PIK3R6: variants seen among roughly 807,000 people sequenced by gnomAD.
PIK3R6 encodes the protein phosphoinositide-3-kinase regulatory subunit 6.
PIK3R6 carries 91 observed loss-of-function variants against 84.9 expected under a neutral mutation model. The ratio of observed to expected loss-of-function variants is 1.07; its 90% confidence interval spans 0.90 to 1.28. The LOEUF is 1.28. Among genes scored for constraint, PIK3R6 ranks in the 50% most tolerant of loss-of-function variants. The pLI is 0.00. For synonymous variants in PIK3R6, 416 were observed against 411.4 expected, an observed-to-expected ratio of 1.01 and a Z score of -0.13; for missense variants, 996 against 985.1, an observed-to-expected ratio of 1.01 and a Z score of -0.15.
At position 8,827,225 on chromosome 17, in the gene PIK3R6, A is replaced by G; in HGVS notation, c.1462T>C (p.Tyr488His). 6.2e-7 allele frequency: 1 copy of G among 1,606,390 alleles called. No individual in the cohort carries two copies. Among genetic ancestry groups the G allele is most frequent in the Non-Finnish European group, 8.5e-7 (1 of 1,176,728 alleles). Residue 488 changes from tyrosine to histidine, a missense_variant, in exon 13 of 20, where the codon TAC becomes CAC. By Grantham distance (83) the Tyr-to-His change is moderately conservative. Transcript: ENST00000619866. The stretch of plus-strand genomic sequence containing the variant: ...CACAGCGTGTTGACGTTGCTCTGGT[A>G]CCACGGGTCTACGCGGCCCAGGAAC... ...ATFLGRVDPWYQSNVNTLCPA... is the reference protein window; with the variant it reads ...ATFLGRVDPWHQSNVNTLCPA...
In PIK3R6 at chr17:8,804,085, CA is replaced by C; in HGVS notation, c.2063del (p.Leu688ArgfsTer56). ...IQSRDQRLLT[L>X]SLDKDDQRTF... ...TGCGTTGATCGTCCTTGTCCAGCGACAGTGTCAGCAGCCTCTGGTCCCGGCT... is the reference window on the plus strand; with the variant it reads ...TGCGTTGATCGTCCTTGTCCAGCGACGTGTCAGCAGCCTCTGGTCCCGGCT... On this transcript the variant is annotated frameshift_variant, in exon 19 of 20. Transcript: ENST00000619866. LOFTEE classifies it low-confidence loss of function (END_TRUNC). 1.2e-6 allele frequency: 2 copies of C among 1,614,056 alleles called. No homozygotes were observed. The highest frequency in any genetic ancestry group is 8.5e-7 in the Non-Finnish European group (1 of 1,179,892).
chr17:8,839,654 C>A lies in PIK3R6; in HGVS notation c.57G>T (p.Arg19=). ...GGGCAGGGGCCTGGGTGCTGAGCTC[C>A]CGGAGCACAGCCTGCACGCTCCTCT... ...DLQRSVQAVL[R]ELSTQAPALQ... The change falls in exon 3 of 20, where the codon CGG becomes CGT. Residue 19 remains arginine (R), a synonymous_variant. Transcript: ENST00000619866. The surrounding 1 kb of genome is among the most constrained non-coding windows in gnomAD (Gnocchi z 4.2). The A allele has an allele frequency of 6.3e-7, 1 of 1,580,770 alleles. No individual in the cohort carries two copies. Among genetic ancestry groups the A allele is most frequent in the Non-Finnish European group, 8.6e-7 (1 of 1,163,128 alleles).
intron 13 of PIK3R6, among the ~76,000 whole-genome samples, chr17:8,824,711 A>G (rs1050068262): frequency 1.1e-4 from 17 of 152,196 alleles, no homozygotes; most frequent in African/African-American, 3.4e-4. Context: ...AGGAGCACCA[A>G]TGGGGCCTGC....
chr17:8,828,688 C>T lies in PIK3R6; in HGVS notation c.1192G>A (p.Gly398Ser), dbSNP rs752431605. Residue 398 changes from glycine (G) to serine (S), a missense_variant, in exon 11 of 20, where the codon GGC becomes AGC. Physicochemically the swap from Gly to Ser is moderately conservative, Grantham distance 56. Coordinates refer to ENST00000619866, the MANE Select transcript of PIK3R6 (RefSeq NM_001010855.4). ...DGPPGLHRRT[G>S]RPSGDGEMLP... ...ATTTCCCCATCCCCACTGGGCCGGC[C>T]TGTCCTCCGGTGCAGCCCTGGGGGC... 5 of 1,611,720 alleles carry T rather than the reference C, an allele frequency of 3.1e-6. No homozygotes were observed. The highest frequency in any genetic ancestry group is 8.5e-7 in the Non-Finnish European group (1 of 1,179,116).
intron 17 of PIK3R6, among the ~76,000 whole-genome samples, chr17:8,819,707 C>CAT (rs1336826412): frequency 3.5e-5 from 5 of 143,958 alleles, no homozygotes; most frequent in Non-Finnish European, 4.5e-5. Context: ...CACACACACA[C>CAT]ATATATATAC....
chr17:8,815,420 C>T (rs1040718093), intron 18 of PIK3R6, among the ~76,000 whole-genome samples: 4 of 151,468 alleles, frequency 2.6e-5, no homozygotes, highest in African/African-American at 4.9e-5. Context: ...GCAGGAGAAT[C>T]GCTTGAACCT....
chr17:8,821,102 C>A (rs1018333430), intron 17 of PIK3R6, among the ~76,000 whole-genome samples: 11 of 152,150 alleles, frequency 7.2e-5, no homozygotes, highest in Admixed American at 1.3e-4. Context: ...GGTGAACTTA[C>A]TTGTTTGCTC....
At chr17:8,807,565 C>T (rs964426163) in intron 18 of PIK3R6, among the ~76,000 whole-genome samples, 1 of 151,978 alleles carries the variant, frequency 6.6e-6, no homozygotes, top group African/African-American at 2.4e-5. Flanking sequence ...ACCTGAGTCT[C>T]AACTTGTAGG....
chr17:8,815,285 A>G (rs1275254406), intron 18 of PIK3R6, among the ~76,000 whole-genome samples: 2 of 152,224 alleles, frequency 1.3e-5, no homozygotes, highest in Non-Finnish European at 2.9e-5. Context: ...AGGCAGGCGG[A>G]CCACGAGGCC....
chr17:8,852,520 A>C (rs1208830313), intron 1 of PIK3R6, among the ~76,000 whole-genome samples: 1 of 152,140 alleles, frequency 6.6e-6, no homozygotes, highest in Non-Finnish European at 1.5e-5. Flanking sequence ...TGGGCGGATC[A>C]TGAGGTCAAG....
In PIK3R6 at chr17:8,803,858, C is replaced by G; in HGVS notation, c.2108+183G>C. 1.6e-6 allele frequency: 1 copy of G among 612,774 alleles called. No individual in the cohort carries two copies. Among genetic ancestry groups the G allele is most frequent in the Non-Finnish European group, 2.9e-6 (1 of 344,512 alleles). The allele number at this position is 612,774 out of a possible 1,614,324, so 38.0% of individuals were successfully genotyped here. A position where few individuals can be genotyped will look rare whatever the true frequency, so the allele number is the denominator to read the frequency against. On this transcript the variant is annotated intron_variant, in intron 19 of 19. Transcript: ENST00000619866. The surrounding 1 kb of genome is among the most constrained non-coding windows in gnomAD (Gnocchi z 5.0). ...TGGGTATGCCATTCATTTGCCTCGA[C>G]TTCCTGGATCCAAAGCATAGGGCAG...
chr17:8,819,264 C>G, intron 17 of PIK3R6, 66 bp from the exon 18 acceptor site: 1 of 1,215,082 alleles, frequency 8.2e-7, no homozygotes, highest in Non-Finnish European at 1.2e-6. Flanking sequence ...TATTCTAGGT[C>G]TCAAGATCTC....
At position 8,860,607 on chromosome 17, in the gene PIK3R6, A is replaced by G. The variant is rs148772973; in HGVS notation, c.-92+6922T>C. Among the ~76,000 whole-genome samples, 121 of 152,198 alleles carry G rather than the reference A, an allele frequency of 8.0e-4. 3 individuals carry two copies. The East Asian group carries it at 0.022, about 28-fold the overall frequency. The stretch of plus-strand genomic sequence containing the variant: ...CCCCAGGAGAAGCCACAGTTTTTGG[A>G]AATTTGAATCTGTGGCCAACATTTA... On this transcript the variant is annotated intron_variant, in intron 1 of 19. Transcript: ENST00000619866.
At chr17:8,808,278 C>T (rs1481811908) in intron 18 of PIK3R6, among the ~76,000 whole-genome samples, 1 of 152,218 alleles carries the variant, frequency 6.6e-6, no homozygotes, top group Non-Finnish European at 1.5e-5. Flanking sequence ...ATCCTCATAA[C>T]TGGATGAGGT....
Position 8,838,619 on chromosome 17 carries a change from C to T in PIK3R6, c.134G>A (p.Arg45Gln), listed in dbSNP as rs777141500. Residue 45 changes from arginine to glutamine, a missense_variant, in exon 4 of 20, where the codon CGA (arginine) becomes CAA (glutamine). Physicochemically the swap from Arg to Gln is conservative, Grantham distance 43. Coordinates refer to ENST00000619866, the MANE Select transcript of PIK3R6 (RefSeq NM_001010855.4). ...CAGCACTGGGCTCTTACCGGGATCT[C>T]GCTCGACCTTCTTGTGCAGGGACCA... ...WRWSLHKKVE[R>Q]DPGKSPVLVR... 18 of 1,606,846 alleles carry T rather than the reference C, an allele frequency of 1.1e-5. No individual in the cohort carries two copies. The highest frequency in any genetic ancestry group is 5.3e-5 in the African/African-American group (4 of 74,776).
Position 8,803,384 on chromosome 17 carries a change from C to G in PIK3R6, c.2154G>C (p.Lys718Asn). 6.2e-7 allele frequency: 1 copy of G among 1,613,376 alleles called. No homozygotes were observed. The highest frequency in any genetic ancestry group is 1.3e-5 in the African/African-American group (1 of 75,052). Residue 718 changes from lysine to asparagine, a missense_variant, in exon 20 of 20, where the codon AAG becomes AAC. Lys to Asn is a moderately conservative substitution (Grantham distance 94). Transcript: ENST00000619866. The surrounding 1 kb of genome is among the most constrained non-coding windows in gnomAD (Gnocchi z 5.0). The part of the protein sequence containing the change: ...PCPEPCSGAQ[K>N]SKAPWLNLHG... ...GCAAATTGAGCCACGGTGCCTTGGA[C>G]TTCTGGGCCCCAGAACATGGTTCTG...
intron 1 of PIK3R6, among the ~76,000 whole-genome samples, chr17:8,853,401 T>C (rs1474803220): frequency 2.0e-5 from 3 of 147,802 alleles, no homozygotes; most frequent in Non-Finnish European, 3.0e-5. Context: ...AGGAGAATGG[T>C]GTGAACTCGG....
intron 8 of PIK3R6, among the ~76,000 whole-genome samples, chr17:8,834,037 T>A (rs958011795): frequency 4.0e-5 from 6 of 150,354 alleles, no homozygotes; most frequent in African/African-American, 1.5e-4. Context: ...GCGCCTGTAG[T>A]CCCAGCTACT....
Position 8,827,188 on chromosome 17 carries a change from T to C in PIK3R6, c.1499A>G (p.His500Arg). The C allele has an allele frequency of 1.2e-6, 2 of 1,612,734 alleles. No individual in the cohort carries two copies. The highest frequency in any genetic ancestry group is 1.7e-4 in the Middle Eastern group (1 of 6,060). Residue 500 changes from histidine to arginine, a missense_variant, in exon 13 of 20, where the codon CAC becomes CGC. His to Arg is a conservative substitution (Grantham distance 29, BLOSUM62 0). Transcript: ENST00000619866. ...SNVNTLCPAI[H>R]KLAEMPPSLD... is the part of the protein sequence containing the mutation. ...CTCCCCTACCATCTCAGCCAGCTTG[T>C]GGATGGCGGGGCACAGCGTGTTGAC...
Sources: allele counts gnomAD v4.1 joint callset (sites outside exome capture counted in the v4.1 genomes callset), GRCh38; gene constraint gnomAD v4.1.1; non-coding constraint Gnocchi (gnomAD v3.1); transcripts MANE v1.5; gene names NCBI Gene and HGNC (gene_info 2026-07-23, HGNC 2026-07-21).